Variants in RPS27L observed in about 807,000 individuals in gnomAD.
RPS27L encodes ribosomal protein eS27-like.
In RPS27L, 10 loss-of-function variants were observed where a neutral mutation model predicts 12.8. The ratio of observed to expected loss-of-function variants is 0.78; its 90% CI spans 0.48 to 1.33. The LOEUF (loss-of-function observed/expected upper bound fraction) is 1.33, where lower values mean the gene tolerates loss of function less well. Among genes scored for constraint, RPS27L ranks in the 40% most tolerant of loss-of-function variants. The pLI is 0.00. For synonymous variants in RPS27L, 26 were observed against 32.3 expected, an observed-to-expected ratio of 0.81 and a Z score of 0.66; for missense variants, 81 against 97.4, an observed-to-expected ratio of 0.83 and a Z score of 0.71.
At position 63,153,819 on chromosome 15, in the gene RPS27L, C is replaced by A; in HGVS notation, c.*213G>T. 5.6e-6 allele frequency: 3 copies of A among 532,850 alleles called. No homozygotes were observed. The highest frequency in any genetic ancestry group is 2.8e-5 in the South Asian group (1 of 36,208). 33.0% of individuals were successfully genotyped at this position (532,850 alleles called of 1,614,324 possible). ...ACCATATATATAAATGTATGGCATA[C>A]TCAAATATATTTTAAAAAAAGAAAA... On this transcript the variant is annotated 3_prime_UTR_variant, in exon 4 of 4. Coordinates refer to ENST00000330964, the MANE Select transcript of RPS27L (RefSeq NM_015920.4).
In RPS27L at chr15:63,153,726, CAAA is replaced by C. The variant is rs35597192; in HGVS notation, c.*303_*305del. 2.5e-3 allele frequency: 471 copies of C among 189,520 alleles called. No individual in the cohort carries two copies. The highest frequency in any genetic ancestry group is 4.8e-3 in the South Asian group (49 of 10,162). The allele number at this position is 189,520 out of a possible 1,614,324, so 11.7% of individuals were successfully genotyped here. ...AGTGACAGAGCAGGACTCTCTCTCT[CAAA>C]AAAAAAAAAAAAGACACAAACTAAT... On this transcript the variant is annotated 3_prime_UTR_variant, in exon 4 of 4. Coordinates refer to ENST00000330964, the MANE Select transcript of RPS27L (RefSeq NM_015920.4).
rs1049718885 is a variant in RPS27L, at chr15:63,152,855, TTC to T, written c.*1175_*1176del. On this transcript the variant is annotated 3_prime_UTR_variant, in exon 4 of 4. Coordinates refer to ENST00000330964, the MANE Select transcript of RPS27L (RefSeq NM_015920.4). Reference sequence around the variant, plus strand: ...TCATTCTTTAGTTCTTGTGCAACAGTTCTCTGATTTAAGCAGTATGTAAGAGG... The same window carrying T: ...TCATTCTTTAGTTCTTGTGCAACAGTTCTGATTTAAGCAGTATGTAAGAGG... 2.0e-5 allele frequency: 3 copies of T among 152,134 alleles called. No homozygotes were observed. The highest frequency in any genetic ancestry group is 6.6e-5 in the Admixed American group (1 of 15,250). The allele number at this position is 152,134 out of a possible 1,614,324, so 9.4% of individuals were successfully genotyped here.
chr15:63,154,710 A>C (rs976069007), intron 3 of RPS27L: 3 of 152,194 alleles, frequency 2.0e-5, no homozygotes, highest in African/African-American at 7.2e-5. Context: ...TATCACAAGC[A>C]AATTTATAAC....
rs1415996795 is a variant in RPS27L at position 63,153,931 on chromosome 15, GT to G, written c.*100del. On this transcript the variant is annotated 3_prime_UTR_variant, in exon 4 of 4. Coordinates refer to ENST00000330964, the MANE Select transcript of RPS27L (RefSeq NM_015920.4). Reference sequence around the variant, plus strand: ...TGCTGTATACCTTACAAAACCAAATGTAATTACATTATCTTGGTAAATTAAT... The same window carrying G: ...TGCTGTATACCTTACAAAACCAAATGAATTACATTATCTTGGTAAATTAAT... 2.2e-5 allele frequency: 23 copies of G among 1,046,590 alleles called. No individual in the cohort carries two copies. Among genetic ancestry groups the G allele is most frequent in the Non-Finnish European group, 2.9e-6 (2 of 679,036 alleles). The allele number at this position is 1,046,590 out of a possible 1,614,324, so 64.8% of individuals were successfully genotyped here.
chr15:63,155,016 A>G (rs1195749362), intron 3 of RPS27L: 1 of 152,058 alleles, frequency 6.6e-6, no homozygotes, highest in Admixed American at 6.6e-5. Flanking sequence ...CTGGCCGGCG[A>G]GGTGGCTCAT....
rs1030201231 is a variant in RPS27L, at chr15:63,149,272, T to G, written c.*4760A>C. 1.3e-5 allele frequency: 2 copies of G among 152,158 alleles called. No individual in the cohort carries two copies. The highest frequency in any genetic ancestry group is 2.9e-5 in the Non-Finnish European group (2 of 68,038). The allele number at this position is 152,158 out of a possible 1,614,324, so 9.4% of individuals were successfully genotyped here. A position where few individuals can be genotyped will look rare whatever the true frequency, so the allele number is the denominator to read the frequency against. Reference sequence around the variant, plus strand: ...CTTTGTAAAATGCAATAATGTACTCTATTCCTTCCAAAGATTTAAGTTTTT... The same window carrying G: ...CTTTGTAAAATGCAATAATGTACTCGATTCCTTCCAAAGATTTAAGTTTTT... On this transcript the variant is annotated 3_prime_UTR_variant, in exon 4 of 4. Coordinates refer to ENST00000330964, the MANE Select transcript of RPS27L (RefSeq NM_015920.4).
intron 1 of RPS27L, 22 bp downstream of exon 1, chr15:63,157,378 G>C (rs1290296807): frequency 1.2e-6 from 2 of 1,614,012 alleles, no homozygotes. Flanking sequence ...AACAAACCCG[G>C]AGCCCGATGT....
At position 63,148,852 on chromosome 15, in the gene RPS27L, C is replaced by CTTTTTTTTTTT. The variant is rs138519912; in HGVS notation, c.*5169_*5179dup. 1 of 119,444 alleles carries CTTTTTTTTTTT rather than the reference C, an allele frequency of 8.4e-6. No homozygotes were observed. The highest frequency in any genetic ancestry group is 3.4e-5 in the African/African-American group (1 of 29,612). 7.4% of individuals were successfully genotyped at this position (119,444 alleles called of 1,614,324 possible). On this transcript the variant is annotated 3_prime_UTR_variant, in exon 4 of 4. Coordinates refer to ENST00000330964, the MANE Select transcript of RPS27L (RefSeq NM_015920.4). ...CAAACACCATGACCTGATGTCATTT[C>CTTTTTTTTTTT]TTTTTTTTTTTTTTTTTTTTTTTTC...
In RPS27L at chr15:63,148,779, A is replaced by C. The variant is rs2037280539; in HGVS notation, c.*5253T>G. On this transcript the variant is annotated 3_prime_UTR_variant, in exon 4 of 4. Transcript: ENST00000330964. ...AGCAGAGAAAATTTGCAATTCTGGC[A>C]TCTCCTTTGAAACAAAATTCAAAGG... is the stretch of plus-strand genomic sequence containing the variant. 6.6e-6 allele frequency: 1 copy of C among 152,106 alleles called. No homozygotes were observed. The highest frequency in any genetic ancestry group is 2.4e-5 in the African/African-American group (1 of 41,404). 9.4% of individuals were successfully genotyped at this position (152,106 alleles called of 1,614,324 possible).
intron 2 of RPS27L, among the ~76,000 whole-genome samples, chr15:63,156,201 G>T (rs189168488): frequency 1.9e-4 from 29 of 152,228 alleles, no homozygotes; most frequent in Admixed American, 8.5e-4. Context: ...AAGTCAAATG[G>T]CATATCTCCT....
chr15:63,152,691 T>C lies in RPS27L; in HGVS notation c.*1341A>G, dbSNP rs1233046423. ...TGCATTTTTAGTAGAGACGGGGTTT[T>C]TCCATGTTGGTCAGGCTGGTCTTGA... is the stretch of plus-strand genomic sequence containing the variant. On this transcript the variant is annotated 3_prime_UTR_variant, in exon 4 of 4. Coordinates refer to ENST00000330964, the MANE Select transcript of RPS27L (RefSeq NM_015920.4). The C allele has an allele frequency of 1.3e-5, 2 of 151,932 alleles. No individual in the cohort carries two copies. Among genetic ancestry groups the C allele is most frequent in the Non-Finnish European group, 2.9e-5 (2 of 67,996 alleles). 9.4% of individuals were successfully genotyped at this position (151,932 alleles called of 1,614,324 possible).
In RPS27L at chr15:63,156,487, T is replaced by C. The variant is rs768153705; in HGVS notation, c.41A>G (p.Glu14Gly). The C allele has an allele frequency of 9.3e-6, 15 of 1,607,742 alleles. No individual in the cohort carries two copies. ...ARDLLHPSLE[E>G]EKKKHKKKRL... ...TTTCTTTTTATGTTTTTTCTTTTCC[T>C]CTTCCAAGGACGGATGTAGTAAATC... The change falls in exon 2 of 4, where the codon GAG becomes GGG. Residue 14 changes from glutamate (E) to glycine (G), a missense_variant. Coordinates refer to ENST00000330964, the MANE Select transcript of RPS27L (RefSeq NM_015920.4).
Position 63,153,860 on chromosome 15 carries a change from A to G in RPS27L, c.*172T>C, listed in dbSNP as rs1347719801. On this transcript the variant is annotated 3_prime_UTR_variant, in exon 4 of 4. Coordinates refer to ENST00000330964, the MANE Select transcript of RPS27L (RefSeq NM_015920.4). The stretch of plus-strand genomic sequence containing the variant: ...AAAAAGAAAAAGAGGGGATTTGCCC[A>G]TAATCAAAACTTTATTGAAAAACTG... 1.7e-5 allele frequency: 10 copies of G among 597,536 alleles called. No homozygotes were observed. The highest frequency in any genetic ancestry group is 3.0e-5 in the Non-Finnish European group (10 of 332,486). The allele number at this position is 597,536 out of a possible 1,614,324, so 37.0% of individuals were successfully genotyped here.
At position 63,154,180 on chromosome 15, in the gene RPS27L, T is replaced by G. The variant is rs201212809; in HGVS notation, c.227-120A>C. The G allele has an allele frequency of 5.8e-5, 43 of 743,964 alleles. 1 individual carries two copies. The East Asian group carries it at 9.2e-4, about 16-fold the overall frequency. 46.1% of individuals were successfully genotyped at this position (743,964 alleles called of 1,614,324 possible). The stretch of plus-strand genomic sequence containing the variant: ...TTTAAGAATATTGGATTAATACTCA[T>G]ATACAGATTATTTATCCTTTTATAC... On this transcript the variant is annotated intron_variant, in intron 3 of 3. Transcript: ENST00000330964.
intron 1 of RPS27L, chr15:63,156,962 T>G (rs904707022): frequency 1.1e-5 from 4 of 351,048 alleles, no homozygotes; most frequent in African/African-American, 8.6e-5. Flanking sequence ...GAATTCTTGC[T>G]GAGCGACCGT....
chr15:63,155,537 G>T (rs1178789650), intron 3 of RPS27L, 84 bp downstream of exon 3: 2 of 869,408 alleles, frequency 2.3e-6, no homozygotes, highest in Admixed American at 2.5e-5. Flanking sequence ...TAATCATTAA[G>T]ATTTCTTTAA....
At position 63,156,625 on chromosome 15, in the gene RPS27L, C is replaced by G. The variant is rs577728777; in HGVS notation, c.7-104G>C. On this transcript the variant is annotated intron_variant, in intron 1 of 3. Coordinates refer to ENST00000330964, the MANE Select transcript of RPS27L (RefSeq NM_015920.4). Reference sequence around the variant, plus strand: ...CAAAAACAGGAATAACGGTCATCCTCGGCAGAAGCAACACGTCAGATAGTA... The same window carrying G: ...CAAAAACAGGAATAACGGTCATCCTGGGCAGAAGCAACACGTCAGATAGTA... 157 of 744,334 alleles carry G rather than the reference C, an allele frequency of 2.1e-4. 3 individuals carry two copies. In the South Asian group the frequency reaches 2.3e-3, roughly 11 times the overall value. 46.1% of individuals were successfully genotyped at this position (744,334 alleles called of 1,614,324 possible). A position where few individuals can be genotyped will look rare whatever the true frequency, so the allele number is the denominator to read the frequency against.
Position 63,153,926 on chromosome 15 carries a change from C to A in RPS27L, c.*106G>T. The A allele has an allele frequency of 9.8e-7, 1 of 1,024,048 alleles. No homozygotes were observed. The highest frequency in any genetic ancestry group is 1.5e-6 in the Non-Finnish European group (1 of 661,380). 63.4% of individuals were successfully genotyped at this position (1,024,048 alleles called of 1,614,324 possible). The stretch of plus-strand genomic sequence containing the variant: ...ATTACTGCTGTATACCTTACAAAAC[C>A]AAATGTAATTACATTATCTTGGTAA... On this transcript the variant is annotated 3_prime_UTR_variant, in exon 4 of 4. Transcript: ENST00000330964.
Position 63,152,545 on chromosome 15 carries a change from G to C in RPS27L, c.*1487C>G, listed in dbSNP as rs1422870578. 1 of 149,520 alleles carries C rather than the reference G, an allele frequency of 6.7e-6. No individual in the cohort carries two copies. The highest frequency in any genetic ancestry group is 2.0e-4 in the East Asian group (1 of 5,038). The allele number at this position is 149,520 out of a possible 1,614,324, so 9.3% of individuals were successfully genotyped here. A position where few individuals can be genotyped will look rare whatever the true frequency, so the allele number is the denominator to read the frequency against. On this transcript the variant is annotated 3_prime_UTR_variant, in exon 4 of 4. Transcript: ENST00000330964. ...TTTCGTGCTTGTTGCCCAGGCTAGA[G>C]TGCAATGGCACGATCTTGGCTCACC...
Sources: allele counts gnomAD v4.1 joint callset (sites outside exome capture counted in the v4.1 genomes callset), GRCh38; gene constraint gnomAD v4.1.1; transcripts MANE v1.5; gene names NCBI Gene and HGNC (gene_info 2026-07-23, HGNC 2026-07-21).